CNTN4: variants seen among roughly 807,000 people sequenced by gnomAD.
CNTN4 encodes contactin-4.
In CNTN4, 77 loss-of-function variants were observed where a neutral mutation model predicts 122.5. That is an observed-to-expected ratio of 0.63 (90% CI 0.52 to 0.76). The LOEUF (loss-of-function observed/expected upper bound fraction) is 0.76, where lower values mean the gene tolerates loss of function less well. Among genes scored for constraint, CNTN4 ranks in the 30% least tolerant of loss-of-function variants. The pLI is 0.00. For missense variants in CNTN4, 1,256 were observed against 1,259.1 expected, an observed-to-expected ratio of 1.00 and a Z score of 0.04; for synonymous variants, 512 against 447.0, an observed-to-expected ratio of 1.15 and a Z score of -1.83.
At chr3:2,686,348 G>T (rs957244685) in intron 4 of CNTN4, among the ~76,000 whole-genome samples, 1 of 151,956 alleles carries the variant, frequency 6.6e-6, no homozygotes, top group African/African-American at 2.4e-5. Context: ...AACAGTATGA[G>T]AGATCACAGC....
chr3:2,824,158 TAA>T lies in CNTN4; in HGVS notation c.454+4592_454+4593del, dbSNP rs56973508. On this transcript the variant is annotated intron_variant, in intron 7 of 24. Coordinates refer to ENST00000418658, the MANE Select transcript of CNTN4 (RefSeq NM_175607.3). ...TCTGGGCTAGGGTCCCCAAGGCTGT[TAA>T]AAAAAAAAAAAAAACAGGCCAGGCG... Among the ~76,000 whole-genome samples, 571 of 142,862 alleles carry T rather than the reference TAA, an allele frequency of 4.0e-3. 5 individuals are homozygous for T. The highest frequency in any genetic ancestry group is 0.013 in the African/African-American group (489 of 38,814). The allele number at this position is 142,862 out of a possible 152,430, so 93.7% of individuals were successfully genotyped here.
At chr3:2,283,625 A>G (rs1036955494) in intron 2 of CNTN4, among the ~76,000 whole-genome samples, 14 of 152,146 alleles carry the variant, frequency 9.2e-5, no homozygotes, top group African/African-American at 1.7e-4. Flanking sequence ...GGAAGGATAC[A>G]TAGGAGTTCT....
chr3:2,969,507 G>T (rs1692664799), intron 13 of CNTN4, among the ~76,000 whole-genome samples: 2 of 129,930 alleles, frequency 1.5e-5, no homozygotes, highest in Non-Finnish European at 3.1e-5. Context: ...TTTCCCAAAG[G>T]AAAATTGGGA....
At chr3:2,647,165 G>A (rs1344247365) in intron 4 of CNTN4, among the ~76,000 whole-genome samples, 2 of 152,074 alleles carry the variant, frequency 1.3e-5, no homozygotes, top group African/African-American at 4.8e-5. Context: ...CGGATCACCC[G>A]AGGTCAGGAG....
chr3:2,746,165 G>A (rs1052668013), intron 6 of CNTN4, among the ~76,000 whole-genome samples: 22 of 38,684 alleles, frequency 5.7e-4, no homozygotes, highest in African/African-American at 1.3e-3. Context: ...ATTTAGTAGA[G>A]TCAATAAGAG....
At chr3:2,897,279 A>T (rs1184925433) in intron 10 of CNTN4, among the ~76,000 whole-genome samples, 1 of 152,194 alleles carries the variant, frequency 6.6e-6, no homozygotes, top group African/African-American at 2.4e-5. Flanking sequence ...AGCATTTAAC[A>T]TTATATTTGA....
In CNTN4 at chr3:2,466,087, A is replaced by G. The variant is rs367994652; in HGVS notation, c.-88-105329A>G. On this transcript the variant is annotated intron_variant, in intron 3 of 24. Coordinates refer to ENST00000418658, the MANE Select transcript of CNTN4 (RefSeq NM_175607.3). ...CTTCACTGCACTAAACCAACACTACATGAAGCCATCAGAACATAGGATGGC... is the reference window on the plus strand; with the variant it reads ...CTTCACTGCACTAAACCAACACTACGTGAAGCCATCAGAACATAGGATGGC... 4.6e-5 allele frequency among the ~76,000 whole-genome samples: 7 copies of G among 152,318 alleles called. No individual in the cohort carries two copies. The East Asian group carries it at 7.8e-4, about 17-fold the overall frequency.
At chr3:2,429,555 T>C (rs528487481) in intron 3 of CNTN4, among the ~76,000 whole-genome samples, 4 of 152,302 alleles carry the variant, frequency 2.6e-5, no homozygotes, top group Non-Finnish European at 5.9e-5. Context: ...CGGCAGTCTG[T>C]CCGTTCTCAG....
chr3:3,023,651 G>A (rs1354499554), intron 14 of CNTN4, among the ~76,000 whole-genome samples: 1 of 152,142 alleles, frequency 6.6e-6, no homozygotes, highest in Admixed American at 6.5e-5. Flanking sequence ...AGTCTGATGT[G>A]TAGGCTTAGA....
intron 4 of CNTN4, among the ~76,000 whole-genome samples, chr3:2,697,285 C>G (rs1330355989): frequency 1.3e-5 from 2 of 152,108 alleles, no homozygotes; most frequent in Admixed American, 6.6e-5. Flanking sequence ...GTATGCCTGC[C>G]CAGTGACTGT....
chr3:2,158,719 CA>C (rs1185783797), intron 2 of CNTN4, among the ~76,000 whole-genome samples: 1 of 152,206 alleles, frequency 6.6e-6, no homozygotes, highest in African/African-American at 2.4e-5. Context: ...AGAAAACATG[CA>C]GCACGCACTG....
intron 2 of CNTN4, among the ~76,000 whole-genome samples, chr3:2,182,035 T>C (rs1272344183): frequency 1.3e-5 from 2 of 152,066 alleles, no homozygotes; most frequent in Non-Finnish European, 2.9e-5. Flanking sequence ...GAAAACAATA[T>C]AATAGAATCA....
chr3:3,014,840 C>G (rs982436665), intron 14 of CNTN4, among the ~76,000 whole-genome samples: 8 of 148,610 alleles, frequency 5.4e-5, no homozygotes, highest in Non-Finnish European at 1.2e-4. Flanking sequence ...TGAAAATAAA[C>G]TAAATTAAGT....
intron 2 of CNTN4, among the ~76,000 whole-genome samples, chr3:2,268,030 A>T (rs1275094959): frequency 6.6e-6 from 1 of 152,130 alleles, no homozygotes; most frequent in Non-Finnish European, 1.5e-5. Flanking sequence ...CATGGAATGG[A>T]TGTGGGCTGT....
At chr3:2,803,012 CAG>C (rs2092384644) in intron 6 of CNTN4, among the ~76,000 whole-genome samples, 1 of 152,022 alleles carries the variant, frequency 6.6e-6, no homozygotes, top group Non-Finnish European at 1.5e-5. Flanking sequence ...GTGAAAAAGA[CAG>C]AGATATAGTA....
At chr3:2,494,983 T>C (rs2076416479) in intron 3 of CNTN4, among the ~76,000 whole-genome samples, 1 of 152,228 alleles carries the variant, frequency 6.6e-6, no homozygotes, top group East Asian at 1.9e-4. Flanking sequence ...TACTTGTATA[T>C]ACATTTTTTT....
At chr3:2,997,625 G>A (rs1695651526) in intron 14 of CNTN4, among the ~76,000 whole-genome samples, 1 of 152,150 alleles carries the variant, frequency 6.6e-6, no homozygotes, top group African/African-American at 2.4e-5. Context: ...TAGGCCTTTA[G>A]GTTAAATACA....
At chr3:2,963,349 TATG>T (rs1380899223) in intron 13 of CNTN4, among the ~76,000 whole-genome samples, 1 of 152,194 alleles carries the variant, frequency 6.6e-6, no homozygotes, top group Non-Finnish European at 1.5e-5. Context: ...CAGTACCTCA[TATG>T]ATATAATTTC....
At chr3:2,987,856 A>G (rs1694719082) in intron 13 of CNTN4, among the ~76,000 whole-genome samples, 1 of 152,216 alleles carries the variant, frequency 6.6e-6, no homozygotes. Context: ...CTCATTAAAA[A>G]TGTGTTGGCT....
Sources: gnomAD v4.1 joint callset for allele counts (sites outside exome capture counted in the v4.1 genomes callset) on GRCh38, gnomAD v4.1.1 for gene constraint, MANE v1.5 for transcripts, NCBI Gene and HGNC (gene_info 2026-07-23, HGNC 2026-07-21) for gene names.